Variants in HERC5 observed in about 807,000 individuals in gnomAD.
The protein encoded by HERC5 is E3 ISG15--protein ligase HERC5.
HERC5 carries 99 observed loss-of-function variants against 119.6 expected under a neutral mutation model. The observed-to-expected ratio is 0.83, with a 90% CI of 0.70 to 0.98. The LOEUF (loss-of-function observed/expected upper bound fraction) is 0.98. HERC5 is among the 50% of genes least tolerant of loss of function. The pLI, the probability that HERC5 is intolerant of heterozygous loss-of-function variation, is 0.00. For synonymous variants in HERC5, 478 were observed against 445.9 expected (o/e 1.07, Z -0.91); for missense variants, 1,267 against 1,241.3 (o/e 1.02, Z -0.31).
intron 7 of HERC5, 52 bp downstream of exon 7, chr4:88,467,256 G>T: frequency 6.4e-7 from 1 of 1,558,342 alleles, no homozygotes; most frequent in South Asian, 1.2e-5. Context: ...TAGAGAAAAT[G>T]ATTTTTCTAA....
At chr4:88,497,355 A>G (rs1741828356) in intron 18 of HERC5, among the ~76,000 whole-genome samples, 1 of 152,220 alleles carries the variant, frequency 6.6e-6, no homozygotes. Flanking sequence ...GGTCATGATC[A>G]GAATGTTAGT....
chr4:88,471,759 T>A (rs1197505518), intron 10 of HERC5, among the ~76,000 whole-genome samples: 1 of 152,224 alleles, frequency 6.6e-6, no homozygotes, highest in Admixed American at 6.5e-5. Context: ...AGAAGCCCTC[T>A]CTTTTGGTTC....
At chr4:88,461,349 A>G (rs1198533049) in intron 3 of HERC5, among the ~76,000 whole-genome samples, 1 of 152,206 alleles carries the variant, frequency 6.6e-6, no homozygotes, top group Non-Finnish European at 1.5e-5. Flanking sequence ...GGGTAAAGGG[A>G]TATTCAGAGT....
Position 88,494,200 on chromosome 4 carries a change from G to T in HERC5, c.2313G>T (p.Gly771=). 1 of 1,606,516 alleles carries T rather than the reference G, an allele frequency of 6.2e-7. No homozygotes were observed. The highest frequency in any genetic ancestry group is 8.5e-7 in the Non-Finnish European group (1 of 1,177,588). Residue 771 remains glycine (G), a synonymous_variant, in exon 18 of 23, where the codon GGG becomes GGT. Transcript: ENST00000264350. ...AGAAGAAAAGATACTTCTTTTTTGG[G>T]GTTCTATGTGGACTTTCCCTGTTCA... ...KFEKKRYFFF[G]VLCGLSLFNC...
intron 3 of HERC5, among the ~76,000 whole-genome samples, chr4:88,461,203 T>C (rs926827187): frequency 2.6e-5 from 4 of 152,346 alleles, no homozygotes; most frequent in African/African-American, 9.6e-5. Flanking sequence ...TGAACTTGTA[T>C]TGGAAGAAAT....
Position 88,487,143 on chromosome 4 carries a change from TAAAC to T in HERC5, c.1927_1930del (p.Lys643TyrfsTer8). Reference sequence around the variant, plus strand: ...TTATCTTTAATAATCTGTCGAAAATTAAACTACTACATACAGACACACTTTTAAA... The same window carrying T: ...TTATCTTTAATAATCTGTCGAAAATTTACTACATACAGACACACTTTTAAA... On this transcript the variant is annotated frameshift_variant, in exon 15 of 23. Coordinates refer to ENST00000264350, the MANE Select transcript of HERC5 (RefSeq NM_016323.4). LOFTEE classifies it high-confidence loss of function. The T allele has an allele frequency of 6.2e-7, 1 of 1,600,472 alleles. No individual in the cohort carries two copies. Among genetic ancestry groups the T allele is most frequent in the South Asian group, 1.1e-5 (1 of 90,626 alleles).
At chr4:88,502,394 A>G (rs534508187) in intron 20 of HERC5, among the ~76,000 whole-genome samples, 35 of 152,252 alleles carry the variant, frequency 2.3e-4, no homozygotes, top group Middle Eastern at 3.4e-3. Context: ...CAGGCATCCA[A>G]GCTGATCTGT....
intron 19 of HERC5, among the ~76,000 whole-genome samples, chr4:88,500,508 C>G (rs189876666): frequency 6.6e-6 from 1 of 152,200 alleles, no homozygotes; most frequent in Non-Finnish European, 1.5e-5. Flanking sequence ...ATGGCCATGC[C>G]GAGATTCAGT....
chr4:88,492,878 A>C (rs887860730), intron 16 of HERC5, 134 bp from the exon 17 acceptor site: 21 of 673,280 alleles, frequency 3.1e-5, no homozygotes, highest in Admixed American at 2.8e-5. Flanking sequence ...TAATATAAGT[A>C]GGATACTTAC....
In HERC5 at chr4:88,500,906, C is replaced by A. The variant is rs375852237; in HGVS notation, c.2512-9C>A. 1.9e-6 allele frequency: 3 copies of A among 1,601,166 alleles called. No homozygotes were observed. Among genetic ancestry groups the A allele is most frequent in the African/African-American group, 2.7e-5 (2 of 74,470 alleles). On this transcript the variant is annotated splice_polypyrimidine_tract_variant and intron_variant, in intron 19 of 22. Transcript: ENST00000264350. ...TGGAGATATTATCTGAGTTCATTTG[C>A]GGTTACAGGTGCACTGGGACAGAAA...
chr4:88,486,820 T>C (rs183501271), intron 14 of HERC5, among the ~76,000 whole-genome samples: 1 of 152,348 alleles, frequency 6.6e-6, no homozygotes, highest in East Asian at 1.9e-4. Flanking sequence ...CAGAACAGAC[T>C]CTTTGGGAAA....
intron 18 of HERC5, among the ~76,000 whole-genome samples, chr4:88,497,460 T>C (rs1175136853): frequency 1.3e-5 from 2 of 152,140 alleles, no homozygotes; most frequent in Admixed American, 6.5e-5. Flanking sequence ...TGTTACTATA[T>C]AAAGTGGCAG....
Position 88,463,550 on chromosome 4 carries a change from T to C in HERC5, c.707T>C (p.Leu236Pro). 1 of 1,613,516 alleles carries C rather than the reference T, an allele frequency of 6.2e-7. No homozygotes were observed. Among genetic ancestry groups the C allele is most frequent in the Admixed American group, 1.7e-5 (1 of 59,998 alleles). The part of the protein sequence containing the change: ...GHTESKDDPS[L>P]IEGLDNQKVE... ...TACATAGGTAAAGATGATCCATCCC[T>C]TATTGAAGGACTAGACAATCAGAAA... The change falls in exon 5 of 23, where the codon CTT (leucine) becomes CCT (proline). Residue 236 changes from leucine (L) to proline (P), a missense_variant. Physicochemically the swap from Leu to Pro is moderately conservative, Grantham distance 98. Around this residue, in one of 3 missense-constraint regions of HERC5, gnomAD observed 777 missense variants for 758.0 expected, o/e 1.03. Coordinates refer to ENST00000264350, the MANE Select transcript of HERC5 (RefSeq NM_016323.4).
At position 88,493,034 on chromosome 4, in the gene HERC5, G is replaced by A. The variant is rs772779620; in HGVS notation, c.2156G>A (p.Gly719Glu). 1.9e-6 allele frequency: 3 copies of A among 1,613,578 alleles called. No individual in the cohort carries two copies. Among genetic ancestry groups the A allele is most frequent in the Non-Finnish European group, 2.5e-6 (3 of 1,179,794 alleles). The change falls in exon 17 of 23, where the codon GGG becomes GAG. Residue 719 changes from glycine (G) to glutamate (E), a missense_variant. Gly to Glu is a moderately conservative substitution (Grantham distance 98, BLOSUM62 -2). Transcript: ENST00000264350. ...CAGGTTTCATTTAGTGGAGAAATTG[G>A]GTATGACCTCGGAGGAGTCAAGAAA... ...ELWVSFSGEI[G>E]YDLGGVKKEF...
chr4:88,496,913 T>G (rs1397373663), intron 18 of HERC5, among the ~76,000 whole-genome samples: 3 of 152,148 alleles, frequency 2.0e-5, no homozygotes, highest in African/African-American at 7.2e-5. Flanking sequence ...GGAGCCCTCA[T>G]GAGTAGAATT....
intron 14 of HERC5, among the ~76,000 whole-genome samples, 159 bp downstream of exon 14, chr4:88,486,387 A>G (rs1250804655): frequency 6.6e-6 from 1 of 152,208 alleles, no homozygotes; most frequent in Non-Finnish European, 1.5e-5. Flanking sequence ...TTCCAGCAGA[A>G]AAGTGATTGG....
chr4:88,504,457 C>T (rs781179982), intron 21 of HERC5, 38 bp from the exon 22 acceptor site: 1 of 1,565,506 alleles, frequency 6.4e-7, no homozygotes, highest in Non-Finnish European at 8.7e-7. Context: ...AGTTTTCCTT[C>T]CTATTTCCTC....
At chr4:88,464,262 T>G (rs1230886558) in intron 6 of HERC5, among the ~76,000 whole-genome samples, 1 of 151,696 alleles carries the variant, frequency 6.6e-6, no homozygotes. Context: ...CAGGTGCACT[T>G]TTGTCTTAAA....
At chr4:88,484,837 A>G (rs1741403170) in intron 13 of HERC5, among the ~76,000 whole-genome samples, 1 of 152,226 alleles carries the variant, frequency 6.6e-6, no homozygotes. Flanking sequence ...CTCAAGGCAA[A>G]TGCCACTTTC....
Sources: allele counts gnomAD v4.1 joint callset (sites outside exome capture counted in the v4.1 genomes callset), GRCh38; gene constraint gnomAD v4.1.1; regional missense constraint gnomAD v4.1.1; transcripts MANE v1.5; gene names NCBI Gene and HGNC (gene_info 2026-07-23, HGNC 2026-07-21).